USP37: variants seen among roughly 807,000 people sequenced by gnomAD.
USP37 encodes the protein ubiquitin specific peptidase 37.
Under a neutral mutation model 124.0 loss-of-function variants are expected in USP37, and 27 were observed. That is an observed-to-expected ratio of 0.22 (90% CI 0.16 to 0.30). USP37 has a LOEUF of 0.30. USP37 is among the 10% of genes least tolerant of loss of function. The pLI is 1.00. For synonymous variants in USP37, 365 were observed against 388.0 expected (o/e 0.94, Z 0.70); for missense variants, 889 against 1,140.4 (o/e 0.78, Z 3.17).
intron 20 of USP37, among the ~76,000 whole-genome samples, chr2:218,469,988 T>C (rs1004259143): frequency 4.6e-5 from 7 of 151,738 alleles, no homozygotes; most frequent in African/African-American, 1.7e-4. Context: ...GCCTGGCTAA[T>C]TTTTTGTATT....
chr2:218,465,384 C>T (rs1362145801), intron 21 of USP37, among the ~76,000 whole-genome samples: 1 of 151,662 alleles, frequency 6.6e-6, no homozygotes, highest in Non-Finnish European at 1.5e-5. Flanking sequence ...CAAAACCAGC[C>T]TGGGCAACAT....
chr2:218,457,622 G>GT (rs1165376411), intron 23 of USP37, among the ~76,000 whole-genome samples: 1 of 152,158 alleles, frequency 6.6e-6, no homozygotes, highest in Non-Finnish European at 1.5e-5. Context: ...GTTAAAAAGA[G>GT]TTGCTATGTT....
intron 8 of USP37, among the ~76,000 whole-genome samples, chr2:218,536,946 G>T (rs140384621): frequency 6.6e-6 from 1 of 152,234 alleles, no homozygotes; most frequent in South Asian, 2.1e-4. Context: ...GAAGGATAGG[G>T]CTCACGCAGT....
At position 218,546,026 on chromosome 2, in the gene USP37, C is replaced by T. The variant is rs548194893; in HGVS notation, c.680+195G>A. 6.6e-5 allele frequency among the ~76,000 whole-genome samples: 10 copies of T among 152,252 alleles called. No individual in the cohort carries two copies. In the East Asian group the frequency reaches 1.9e-3, roughly 29 times the overall value. ...GGATAAGAGAAATGCAATGAAATGACCAAAGCAATAGCACTGGCTAATTTC... is the reference window on the plus strand; with the variant it reads ...GGATAAGAGAAATGCAATGAAATGATCAAAGCAATAGCACTGGCTAATTTC... On this transcript the variant is annotated intron_variant, in intron 8 of 25. Transcript: ENST00000258399.
At chr2:218,476,046 G>T (rs1690956274) in intron 19 of USP37, among the ~76,000 whole-genome samples, 1 of 151,920 alleles carries the variant, frequency 6.6e-6, no homozygotes, top group African/African-American at 2.4e-5. Flanking sequence ...AAGTAAGATA[G>T]GAAACAGAAC....
chr2:218,513,176 G>A (rs996462327), intron 10 of USP37, among the ~76,000 whole-genome samples: 3 of 151,996 alleles, frequency 2.0e-5, no homozygotes, highest in East Asian at 3.9e-4. Context: ...GACTATAGGC[G>A]TGCACCACCA....
At chr2:218,539,303 C>A (rs1190219276) in intron 8 of USP37, among the ~76,000 whole-genome samples, 1 of 152,164 alleles carries the variant, frequency 6.6e-6, no homozygotes, top group African/African-American at 2.4e-5. Flanking sequence ...ACTGTGGCTG[C>A]ACTTTTGCAG....
At chr2:218,545,918 A>C (rs1692295736) in intron 8 of USP37, among the ~76,000 whole-genome samples, 1 of 152,216 alleles carries the variant, frequency 6.6e-6, no homozygotes. Flanking sequence ...GGTTCACACT[A>C]AAACAGCAGC....
chr2:218,553,516 A>C, intron 5 of USP37, 37 bp downstream of exon 5: 3 of 1,549,482 alleles, frequency 1.9e-6, no homozygotes, highest in Non-Finnish European at 2.6e-6. Context: ...GCCTTGTAAA[A>C]ATACTAACGT....
intron 15 of USP37, 139 bp from the exon 16 acceptor site, chr2:218,485,882 C>T: frequency 1.2e-6 from 1 of 857,778 alleles, no homozygotes. Flanking sequence ...TGTCTAGAGC[C>T]ATGAGCCTTA....
rs1690028551 is a variant in USP37 at position 218,461,858 on chromosome 2, A to AC, written c.2527+1447_2527+1448insG. 1.3e-5 allele frequency among the ~76,000 whole-genome samples: 2 copies of AC among 151,928 alleles called. 1 individual carries two copies. The highest frequency in any genetic ancestry group is 3.9e-4 in the East Asian group (2 of 5,170). On this transcript the variant is annotated intron_variant, in intron 22 of 25. Coordinates refer to ENST00000258399, the MANE Select transcript of USP37 (RefSeq NM_020935.3). The stretch of plus-strand genomic sequence containing the variant: ...AACTCCATCTCTACTAAAATGAAAT[A>AC]TAAAAAATTAGCTGGAACCTGGGCA...
At chr2:218,555,083 A>G (rs1404993727) in intron 4 of USP37, among the ~76,000 whole-genome samples, 1 of 152,226 alleles carries the variant, frequency 6.6e-6, no homozygotes. Context: ...CTATGAAGCG[A>G]TAACTTTTAT....
intron 16 of USP37, among the ~76,000 whole-genome samples, chr2:218,484,641 CAA>C (rs1235034981): frequency 1.0e-5 from 1 of 100,360 alleles, no homozygotes; most frequent in Non-Finnish European, 2.0e-5. Context: ...ACAACAACAA[CAA>C]CAACAAACAA....
At chr2:218,542,398 A>C (rs1411337810) in intron 8 of USP37, among the ~76,000 whole-genome samples, 1 of 152,234 alleles carries the variant, frequency 6.6e-6, no homozygotes, top group African/African-American at 2.4e-5. Context: ...CTAGACTGGC[A>C]TGCACAACCA....
intron 11 of USP37, among the ~76,000 whole-genome samples, chr2:218,505,027 T>TG (rs1559192675): frequency 6.6e-6 from 1 of 152,112 alleles, no homozygotes; most frequent in African/African-American, 2.4e-5. Flanking sequence ...AAAAAAAATT[T>TG]GGGGGGAAAT....
chr2:218,558,712 C>T (rs2106059267), intron 3 of USP37, 35 bp from the exon 4 acceptor site: 2 of 1,483,538 alleles, frequency 1.3e-6, no homozygotes, highest in Admixed American at 2.1e-5. Context: ...CTTTACCTGG[C>T]AGGTTCTAAG....
chr2:218,523,323 A>T (rs1690774154), intron 10 of USP37, among the ~76,000 whole-genome samples: 1 of 152,202 alleles, frequency 6.6e-6, no homozygotes, highest in African/African-American at 2.4e-5. Context: ...CTGGTTGATC[A>T]TCCCTAATCT....
At chr2:218,479,814 T>C (rs999085106) in intron 17 of USP37, 99 bp from the exon 18 acceptor site, 1 of 695,982 alleles carries the variant, frequency 1.4e-6, no homozygotes, top group Non-Finnish European at 2.0e-6. Context: ...ATTCCTTTTA[T>C]GTCCTCTTGA....
chr2:218,506,166 A>T (rs1465795432), intron 11 of USP37, among the ~76,000 whole-genome samples: 1 of 151,530 alleles, frequency 6.6e-6, no homozygotes, highest in Admixed American at 6.6e-5. Context: ...GCCCAGCAGG[A>T]TTATAGTTTT....
Sources: gnomAD v4.1 joint callset for allele counts (sites outside exome capture counted in the v4.1 genomes callset) on GRCh38, gnomAD v4.1.1 for gene constraint, MANE v1.5 for transcripts, NCBI Gene and HGNC (gene_info 2026-07-23, HGNC 2026-07-21) for gene names.